Variants in DPH6 observed in about 807,000 individuals in gnomAD.
The protein encoded by DPH6 is diphthamine biosynthesis 6.
Under a neutral mutation model 38.2 loss-of-function variants are expected in DPH6, and 33 were observed. The ratio of observed to expected loss-of-function variants is 0.86; its 90% CI spans 0.65 to 1.15. The LOEUF is 1.15. Ranked by LOEUF, DPH6 falls within the 50% of genes most tolerant of loss-of-function variation. DPH6 has a pLI of 0.00. For missense variants in DPH6, 325 were observed against 320.0 expected (o/e 1.02, Z -0.12); for synonymous variants, 108 against 103.0 (o/e 1.05, Z -0.30).
At chr15:35,340,023 G>C (rs1004270745) in intron 3 of DPH6, among the ~76,000 whole-genome samples, 2 of 151,984 alleles carry the variant, frequency 1.3e-5, no homozygotes, top group Non-Finnish European at 2.9e-5. Context: ...CTGTCCCTCT[G>C]AGGTCTCTAA....
chr15:35,176,825 G>A, the DPH6 span, among the ~76,000 whole-genome samples: 5 of 152,228 alleles, frequency 3.3e-5, no homozygotes, highest in South Asian at 6.2e-4. Context: ...AGTCTTAATT[G>A]CACAAAACTG....
chr15:35,289,287 CAT>C (rs1340534238), intron 3 of DPH6, among the ~76,000 whole-genome samples: 1 of 152,136 alleles, frequency 6.6e-6, no homozygotes, highest in African/African-American at 2.4e-5. Flanking sequence ...CTGAAATAAA[CAT>C]GTTTAATTCC....
the DPH6 span, among the ~76,000 whole-genome samples, chr15:35,176,625 C>T: frequency 6.6e-6 from 1 of 152,176 alleles, no homozygotes; most frequent in East Asian, 1.9e-4. Context: ...GCATGTGCCA[C>T]CACGCCTGGC....
At chr15:35,239,139 A>T (rs1255267739) in intron 3 of DPH6, among the ~76,000 whole-genome samples, 1 of 143,862 alleles carries the variant, frequency 7.0e-6, no homozygotes, top group Non-Finnish European at 1.5e-5. Flanking sequence ...GCTCCGTGAG[A>T]AAGATCCACC....
the DPH6 span, among the ~76,000 whole-genome samples, chr15:35,172,018 C>T: frequency 1.3e-3 from 194 of 152,138 alleles, no homozygotes; most frequent in African/African-American, 4.4e-3. Context: ...CAGGCACATG[C>T]CACCACACCT....
chr15:35,416,078 A>T (rs982576512), intron 5 of DPH6, among the ~76,000 whole-genome samples: 1 of 151,990 alleles, frequency 6.6e-6, no homozygotes, highest in East Asian at 1.9e-4. Context: ...CCTGGGCCAC[A>T]CTGGAAGAAG....
chr15:35,510,365 T>C (rs2054752743), intron 3 of DPH6, among the ~76,000 whole-genome samples: 1 of 152,224 alleles, frequency 6.6e-6, no homozygotes, highest in Non-Finnish European at 1.5e-5. Flanking sequence ...ACATACATCT[T>C]TATTGCTGGA....
At chr15:35,535,699 C>T (rs897156466) in intron 3 of DPH6, among the ~76,000 whole-genome samples, 2 of 151,976 alleles carry the variant, frequency 1.3e-5, no homozygotes, top group Non-Finnish European at 2.9e-5. Flanking sequence ...TAAAGAAATT[C>T]TAAAGAATAA....
intron 3 of DPH6, among the ~76,000 whole-genome samples, chr15:35,496,567 AATATATATATATATATATAT>A (rs1165939476): frequency 3.2e-5 from 1 of 31,016 alleles, no homozygotes; most frequent in Non-Finnish European, 5.3e-5. Flanking sequence ...AAAAAAAAAA[AATATATATATATATATATAT>A]ATATCCTCTA....
intron 3 of DPH6, chr15:35,520,885 A>G: frequency 1.0e-6 from 1 of 985,262 alleles, no homozygotes; most frequent in Non-Finnish European, 1.2e-6. Context: ...AATTCCCTGG[A>G]AAAACAGTAT....
the DPH6 span, among the ~76,000 whole-genome samples, chr15:35,174,724 G>A: frequency 6.6e-6 from 1 of 152,130 alleles, no homozygotes; most frequent in Non-Finnish European, 1.5e-5. Context: ...TCTCTAGGGA[G>A]AAGGGAGACC....
intron 3 of DPH6, among the ~76,000 whole-genome samples, chr15:35,244,743 T>C (rs1366645905): frequency 6.6e-6 from 1 of 152,136 alleles, no homozygotes; most frequent in Non-Finnish European, 1.5e-5. Flanking sequence ...GATGGGTGAG[T>C]GAAGCTAGAG....
chr15:35,489,262 C>A (rs993807531), intron 3 of DPH6: 12 of 884,950 alleles, frequency 1.4e-5, no homozygotes, highest in Admixed American at 6.2e-5. Flanking sequence ...ATCTGGGGAT[C>A]TGGGAAAACC....
At chr15:35,150,301 C>T in the DPH6 span, among the ~76,000 whole-genome samples, 1 of 152,106 alleles carries the variant, frequency 6.6e-6, no homozygotes, top group Admixed American at 6.5e-5. Flanking sequence ...TATTTCTTAT[C>T]AGATGGTGCA....
At chr15:35,336,750 A>G (rs572782209) in intron 3 of DPH6, among the ~76,000 whole-genome samples, 6 of 152,316 alleles carry the variant, frequency 3.9e-5, no homozygotes, top group African/African-American at 1.4e-4. Flanking sequence ...GATTACATTT[A>G]TTGATTTGCG....
chr15:35,272,629 C>T (rs547574016), intron 3 of DPH6, among the ~76,000 whole-genome samples: 1 of 152,128 alleles, frequency 6.6e-6, no homozygotes, highest in African/African-American at 2.4e-5. Flanking sequence ...GAATGTGGGG[C>T]CAGGCATGGT....
chr15:35,234,757 T>G (rs2051540143), intron 3 of DPH6, among the ~76,000 whole-genome samples: 1 of 152,234 alleles, frequency 6.6e-6, no homozygotes, highest in South Asian at 2.1e-4. Flanking sequence ...AGTAATTCAG[T>G]ATTTTTGTTG....
At chr15:35,500,161 A>AATATATAT (rs2054607948) in intron 3 of DPH6, among the ~76,000 whole-genome samples, 1 of 152,204 alleles carries the variant, frequency 6.6e-6, no homozygotes, top group Non-Finnish European at 1.5e-5. Flanking sequence ...TCCATGCTAC[A>AATATATAT]ATATAATCAG....
the DPH6 span, among the ~76,000 whole-genome samples, chr15:35,191,119 C>T: frequency 2.0e-4 from 31 of 152,138 alleles, no homozygotes; most frequent in African/African-American, 5.8e-4. Flanking sequence ...CAAGATGTAC[C>T]ATCAATCATT....
Sources: allele counts gnomAD v4.1 joint callset (sites outside exome capture counted in the v4.1 genomes callset), GRCh38; gene constraint gnomAD v4.1.1; transcripts MANE v1.5; gene names NCBI Gene and HGNC (gene_info 2026-07-23, HGNC 2026-07-21).